Variants in NOD1 observed in about 807,000 individuals in gnomAD.
NOD1 encodes the protein nucleotide binding oligomerization domain containing 1.
A neutral mutation model predicts 81.2 loss-of-function variants in NOD1; 70 were observed. The ratio of observed to expected loss-of-function variants is 0.86; its 90% CI spans 0.71 to 1.05. NOD1 has a LOEUF of 1.05. Among genes scored for constraint, NOD1 ranks in the 50% least tolerant of loss-of-function variants. The probability of loss-of-function intolerance (pLI) is 0.00; values close to 1 mark genes in which losing one functional copy is unlikely to be tolerated. For missense variants in NOD1, 1,233 were observed against 1,228.0 expected, an observed-to-expected ratio of 1.00 and a Z score of -0.06; for synonymous variants, 508 against 526.9, an observed-to-expected ratio of 0.96 and a Z score of 0.49.
intron 10 of NOD1, 124 bp downstream of exon 10, chr7:30,437,449 G>C: frequency 1.8e-6 from 1 of 549,546 alleles, no homozygotes; most frequent in Non-Finnish European, 3.0e-6. Flanking sequence ...GGTTTGACAA[G>C]AGTAAGGAAA....
chr7:30,451,669 T>A lies in NOD1; in HGVS notation c.1748A>T (p.Asp583Val). 4 of 1,613,924 alleles carry A rather than the reference T, an allele frequency of 2.5e-6. No individual in the cohort carries two copies. The highest frequency in any genetic ancestry group is 2.2e-5 in the South Asian group (2 of 91,084). The change falls in exon 6 of 14, where the codon GAT becomes GTT. Residue 583 changes from aspartate (D) to valine (V), a missense_variant. By Grantham distance (152) the Asp-to-Val change is radical. Transcript: ENST00000222823. The surrounding 1 kb of genome is among the most constrained non-coding windows in gnomAD (Gnocchi z 4.2). ...PAREDLFKNK[D>V]HFQFTNLFLC... ...GAAGAGGTTGGTGAACTGGAAGTGA[T>A]CCTTGTTCTTGAAGAGGTCTTCCCG...
intron 13 of NOD1, 108 bp from the exon 14 acceptor site, chr7:30,425,818 CAT>C: frequency 1.3e-6 from 1 of 789,572 alleles, no homozygotes; most frequent in African/African-American, 1.7e-5. Flanking sequence ...ACACAATACA[CAT>C]GTATCCCTGA....
rs896064652 is a variant in NOD1 at position 30,467,909 on chromosome 7, C to A, written c.-351-7868G>T. Among the ~76,000 whole-genome samples the A allele has an allele frequency of 6.6e-6, 1 of 152,042 alleles. No homozygotes were observed. Among genetic ancestry groups the A allele is most frequent in the Non-Finnish European group, 1.5e-5 (1 of 67,998 alleles). ...TAGAGACGGGGTTTCACCACGTTGG[C>A]CAGGCTGGTCTTGAACTCCTGACCT... On this transcript the variant is annotated intron_variant, in intron 1 of 13. Transcript: ENST00000222823. The surrounding 1 kb of genome is among the most constrained non-coding windows in gnomAD (Gnocchi z 4.5).
intron 3 of NOD1, among the ~76,000 whole-genome samples, chr7:30,458,244 G>T (rs1293483409): frequency 6.6e-6 from 1 of 152,032 alleles, no homozygotes; most frequent in Non-Finnish European, 1.5e-5. Flanking sequence ...TCCCACAGAA[G>T]ATCCTTCAGC....
intron 13 of NOD1, among the ~76,000 whole-genome samples, chr7:30,426,826 T>G (rs1308950321): frequency 6.6e-6 from 1 of 152,112 alleles, no homozygotes; most frequent in Non-Finnish European, 1.5e-5. Flanking sequence ...TTGCACATGC[T>G]GTTCCCTACG....
chr7:30,458,799 C>T (rs913626269), intron 3 of NOD1, among the ~76,000 whole-genome samples: 32 of 150,010 alleles, frequency 2.1e-4, no homozygotes, highest in Non-Finnish European at 4.3e-4. Flanking sequence ...TGCAGTGGCA[C>T]AATCTCGGCT....
At position 30,455,329 on chromosome 7, in the gene NOD1, A is replaced by G; in HGVS notation, c.202-18T>C. On this transcript the variant is annotated intron_variant, in intron 4 of 13. Coordinates refer to ENST00000222823, the MANE Select transcript of NOD1 (RefSeq NM_006092.4). ...TTGCGGACCTGGAGGTGACACAAGC[A>G]TGAGGGCACGGGCTGGCATGAGGGG... 6.2e-7 allele frequency: 1 copy of G among 1,607,524 alleles called. No homozygotes were observed. Among genetic ancestry groups the G allele is most frequent in the South Asian group, 1.1e-5 (1 of 90,862 alleles).
rs959379126 is a variant in NOD1 at position 30,478,467 on chromosome 7, G to C, written c.-352+139C>G. ...TTCAAACTCGCGGGTTTCTCCGCTT[G>C]GTTCCACCCAGAGCTCCTCCAGAGC... On this transcript the variant is annotated intron_variant, in intron 1 of 13. Transcript: ENST00000222823. The surrounding 1 kb of genome is among the most constrained non-coding windows in gnomAD (Gnocchi z 4.1). 15 of 152,256 alleles carry C rather than the reference G, an allele frequency of 9.9e-5. No homozygotes were observed. The highest frequency in any genetic ancestry group is 9.2e-4 in the Admixed American group (14 of 15,288). The allele number at this position is 152,256 out of a possible 1,614,324, so 9.4% of individuals were successfully genotyped here.
In NOD1 at chr7:30,429,461, AAAG is replaced by A. The variant is rs1475485686; in HGVS notation, c.2706-7_2706-5del. Reference sequence around the variant, plus strand: ...TGTGATCTGATTCTGGATAAGCCTGAAAGAAGAACATAACTTGTATAAAATCCA... The same window carrying A: ...TGTGATCTGATTCTGGATAAGCCTGAAAGAACATAACTTGTATAAAATCCA... On this transcript the variant is annotated splice_polypyrimidine_tract_variant and splice_region_variant and intron_variant, in intron 12 of 13. Coordinates refer to ENST00000222823, the MANE Select transcript of NOD1 (RefSeq NM_006092.4). 3.7e-6 allele frequency: 6 copies of A among 1,613,018 alleles called. No homozygotes were observed. The highest frequency in any genetic ancestry group is 5.1e-6 in the Non-Finnish European group (6 of 1,179,084).
At chr7:30,474,194 C>T (rs146878262) in intron 1 of NOD1, among the ~76,000 whole-genome samples, 1 of 152,358 alleles carries the variant, frequency 6.6e-6, no homozygotes, top group East Asian at 1.9e-4. Flanking sequence ...GAAGGAAAGA[C>T]CAGCCCTGGA....
At chr7:30,427,267 C>CA (rs1783537609) in intron 13 of NOD1, among the ~76,000 whole-genome samples, 1 of 152,180 alleles carries the variant, frequency 6.6e-6, no homozygotes, top group African/African-American at 2.4e-5. Context: ...GTTCATTGTT[C>CA]ACCTCTAATT....
In NOD1 at chr7:30,437,264, C is replaced by T. The variant is rs911618696; in HGVS notation, c.2537+309G>A. On this transcript the variant is annotated intron_variant, in intron 10 of 13. Transcript: ENST00000222823. ...GGGAGGGCAAGCATTAGGACAAATA[C>T]CTAATGCATGCAGGGCTTAAAACCT... Among the ~76,000 whole-genome samples the T allele has an allele frequency of 5.3e-5, 8 of 152,204 alleles. No homozygotes were observed. The South Asian group carries it at 1.7e-3, about 32-fold the overall frequency.
Position 30,448,342 on chromosome 7 carries a change from C to T in NOD1, c.2241G>A (p.Val747=). The T allele has an allele frequency of 6.2e-7, 1 of 1,614,232 alleles. No individual in the cohort carries two copies. The highest frequency in any genetic ancestry group is 2.2e-5 in the East Asian group (1 of 44,890). The change falls in exon 7 of 14, where the codon GTG becomes GTA. Residue 747 remains valine, a synonymous_variant. Transcript: ENST00000222823. ...VNQITDGGVK[V]LSEELTKYKI... The stretch of plus-strand genomic sequence containing the variant: ...TGTATTTGGTCAGCTCTTCGCTTAG[C>T]ACCTTTACCCCACCGTCAGTGATCT...
At chr7:30,469,769 T>C (rs1256622584) in intron 1 of NOD1, among the ~76,000 whole-genome samples, 2 of 152,238 alleles carry the variant, frequency 1.3e-5, no homozygotes, top group Admixed American at 1.3e-4. Flanking sequence ...ACAGAGGCCC[T>C]GGGCAGGGCC....
In NOD1 at chr7:30,478,085, A is replaced by G. The variant is rs1289233865; in HGVS notation, c.-352+521T>C. On this transcript the variant is annotated intron_variant, in intron 1 of 13. Coordinates refer to ENST00000222823, the MANE Select transcript of NOD1 (RefSeq NM_006092.4). This position sits in a 1 kb window ranked among gnomAD's most constrained non-coding sequence, Gnocchi z 4.1. ...CCTTACTTTGTGGAGCATGAAACCCAAGGGAAGTTCTCACCCTCTCTCCAG... is the reference window on the plus strand; with the variant it reads ...CCTTACTTTGTGGAGCATGAAACCCGAGGGAAGTTCTCACCCTCTCTCCAG... Among the ~76,000 whole-genome samples the G allele has an allele frequency of 6.6e-6, 1 of 152,112 alleles. No homozygotes were observed. The highest frequency in any genetic ancestry group is 1.5e-5 in the Non-Finnish European group (1 of 68,036).
Position 30,436,088 on chromosome 7 carries a change from A to C in NOD1, c.2538-7T>G. On this transcript the variant is annotated splice_region_variant and splice_polypyrimidine_tract_variant and intron_variant, in intron 10 of 13. Transcript: ENST00000222823. ...GATGCCGTTGGACGCAAGACTAGGA[A>C]GGAACACACTTGGGGTGAATTATTA... 2 of 1,610,258 alleles carry C rather than the reference A, an allele frequency of 1.2e-6. No homozygotes were observed. Among genetic ancestry groups the C allele is most frequent in the African/African-American group, 2.7e-5 (2 of 75,004 alleles).
At chr7:30,458,640 A>C (rs1404476265) in intron 3 of NOD1, among the ~76,000 whole-genome samples, 1 of 152,194 alleles carries the variant, frequency 6.6e-6, no homozygotes, top group Non-Finnish European at 1.5e-5. Context: ...TAAAATTATC[A>C]GCAACAGAAG....
chr7:30,451,725 C>T lies in NOD1; in HGVS notation c.1692G>A (p.Pro564=), dbSNP rs1467583590. 8 of 1,613,422 alleles carry T rather than the reference C, an allele frequency of 5.0e-6. No homozygotes were observed. The highest frequency in any genetic ancestry group is 2.7e-5 in the African/African-American group (2 of 74,900). ...GACCACTGCCCTGCAGGCACTGGAA[C>T]GGGAGGAAGGGAGGATAGCAGGACG... The part of the protein sequence containing the change: ...ATTSCYPPFL[P]FQCLQGSGPA... Residue 564 remains proline (P), a synonymous_variant, in exon 6 of 14, where the codon CCG becomes CCA. Coordinates refer to ENST00000222823, the MANE Select transcript of NOD1 (RefSeq NM_006092.4). The surrounding 1 kb of genome is among the most constrained non-coding windows in gnomAD (Gnocchi z 4.2).
Position 30,448,345 on chromosome 7 carries a change from C to T in NOD1, c.2238G>A (p.Lys746=), listed in dbSNP as rs143956406. The T allele has an allele frequency of 1.9e-6, 3 of 1,614,232 alleles. No homozygotes were observed. The highest frequency in any genetic ancestry group is 2.5e-6 in the Non-Finnish European group (3 of 1,180,036). The change falls in exon 7 of 14, where the codon AAG becomes AAA. Residue 746 remains lysine, a synonymous_variant. Coordinates refer to ENST00000222823, the MANE Select transcript of NOD1 (RefSeq NM_006092.4). ...ATTTGGTCAGCTCTTCGCTTAGCAC[C>T]TTTACCCCACCGTCAGTGATCTGGT... is the stretch of plus-strand genomic sequence containing the variant. ...SVNQITDGGV[K]VLSEELTKYK...
Sources: allele counts gnomAD v4.1 joint callset (sites outside exome capture counted in the v4.1 genomes callset), GRCh38; gene constraint gnomAD v4.1.1; non-coding constraint Gnocchi (gnomAD v3.1); transcripts MANE v1.5; gene names NCBI Gene and HGNC (gene_info 2026-07-23, HGNC 2026-07-21).